Variants in NDRG4 observed in about 807,000 individuals in gnomAD.
NDRG4 encodes protein NDRG4.
Under a neutral mutation model 55.8 loss-of-function variants are expected in NDRG4, and 38 were observed. The ratio of observed to expected loss-of-function variants is 0.68; its 90% CI spans 0.53 to 0.89. NDRG4 has a LOEUF of 0.89. Among genes scored for constraint, NDRG4 ranks in the 40% least tolerant of loss-of-function variants. NDRG4 has a pLI of 0.00. For synonymous variants in NDRG4, 190 were observed against 182.7 expected (o/e 1.04, Z -0.32); for missense variants, 455 against 468.6 (o/e 0.97, Z 0.27).
At chr16:58,494,941 C>A in intron 2 of NDRG4, 1 of 1,613,088 alleles carries the variant, frequency 6.2e-7, no homozygotes, top group South Asian at 1.1e-5. Context: ...AACTTGCCAC[C>A]CCCTCTGTTT....
intron 1 of NDRG4, among the ~76,000 whole-genome samples, chr16:58,484,694 G>A (rs978652032): frequency 1.3e-5 from 2 of 152,064 alleles, no homozygotes; most frequent in South Asian, 2.1e-4. Context: ...GTCCCTTTAG[G>A]GAATAAGAGA....
At chr16:58,487,595 C>A (rs1017921858) in intron 1 of NDRG4, among the ~76,000 whole-genome samples, 2 of 152,196 alleles carry the variant, frequency 1.3e-5, no homozygotes, top group East Asian at 3.9e-4. Flanking sequence ...GTCTTGCAGA[C>A]GGAGGCCTGG....
At chr16:58,491,570 C>T (rs957471140) in intron 2 of NDRG4, among the ~76,000 whole-genome samples, 1 of 151,962 alleles carries the variant, frequency 6.6e-6, no homozygotes, top group Non-Finnish European at 1.5e-5. Flanking sequence ...AAGTGATTCT[C>T]CTGCCTCAGC....
At chr16:58,474,676 A>G (rs2033386949) in intron 1 of NDRG4, among the ~76,000 whole-genome samples, 1 of 152,196 alleles carries the variant, frequency 6.6e-6, no homozygotes, top group South Asian at 2.1e-4. Flanking sequence ...GTTTGTCTGT[A>G]ATGGTCAGTA....
intron 1 of NDRG4, among the ~76,000 whole-genome samples, chr16:58,503,134 C>T (rs556950638): frequency 6.9e-4 from 105 of 152,280 alleles, no homozygotes; most frequent in Non-Finnish European, 1.3e-3. Context: ...AGCAGCAAAA[C>T]CAAAGGTGTG....
chr16:58,474,496 C>G (rs984090251), intron 1 of NDRG4, among the ~76,000 whole-genome samples: 1 of 152,190 alleles, frequency 6.6e-6, no homozygotes, highest in Non-Finnish European at 1.5e-5. Context: ...GCCTCCCCTT[C>G]TCAGCAGGTG....
At chr16:58,466,060 A>T (rs1377949653) in intron 1 of NDRG4, among the ~76,000 whole-genome samples, 1 of 152,208 alleles carries the variant, frequency 6.6e-6, no homozygotes, top group African/African-American at 2.4e-5. Flanking sequence ...TCTGTCGCCC[A>T]GGCTGGAGTG....
At chr16:58,497,269 C>T (rs1307062848), upstream of NDRG4, among the ~76,000 whole-genome samples, 1 of 151,930 alleles carries the variant, frequency 6.6e-6, no homozygotes, top group East Asian at 1.9e-4. Context: ...TTGCAGTGAG[C>T]AGAGATTGCA....
At position 58,485,545 on chromosome 16, in the gene NDRG4, G is replaced by A. The variant is rs146618896; in HGVS notation, c.-23-2211G>A. ...GTTCAGGAAGGCAGGTGGCTAAAAT[G>A]TCCTGATGCGGAAGAGTTTTCCAAG... On this transcript the variant is annotated intron_variant, in intron 1 of 15. Transcript: ENST00000258187. 4.9e-3 allele frequency among the ~76,000 whole-genome samples: 753 copies of A among 152,288 alleles called. 2 individuals carry two copies. Among genetic ancestry groups the A allele is most frequent in the Middle Eastern group, 0.014 (4 of 294 alleles).
intron 1 of NDRG4, among the ~76,000 whole-genome samples, chr16:58,465,818 A>G (rs1318085245): frequency 1.3e-5 from 2 of 152,194 alleles, no homozygotes; most frequent in Admixed American, 1.3e-4. Flanking sequence ...GGGACACTGG[A>G]AACTGACTGG....
chr16:58,502,340 C>T (rs1421597335), intron 1 of NDRG4, among the ~76,000 whole-genome samples: 2 of 152,136 alleles, frequency 1.3e-5, no homozygotes, highest in Non-Finnish European at 2.9e-5. Flanking sequence ...GGTGTGGCCT[C>T]CTCATCCCCT....
intron 1 of NDRG4, among the ~76,000 whole-genome samples, chr16:58,472,896 C>T (rs1202208180): frequency 6.6e-6 from 1 of 152,046 alleles, no homozygotes; most frequent in Non-Finnish European, 1.5e-5. Context: ...GGTTTCCAGG[C>T]CACCCAACCC....
intron 3 of NDRG4, chr16:58,495,070 T>C: frequency 6.4e-7 from 1 of 1,551,422 alleles, no homozygotes; most frequent in Non-Finnish European, 8.8e-7. Context: ...TCACCCCACC[T>C]GGCCAGGTCC....
Position 58,513,168 on chromosome 16 carries a change from A to ATGTGTGTGTG in NDRG4, c.*1612_*1621dup, listed in dbSNP as rs60858251. 5,210 of 150,230 alleles carry ATGTGTGTGTG rather than the reference A, an allele frequency of 0.035. 186 individuals are homozygous for ATGTGTGTGTG. The highest frequency in any genetic ancestry group is 0.17 in the East Asian group (865 of 5,100). The allele number at this position is 150,230 out of a possible 1,614,324, so 9.3% of individuals were successfully genotyped here. On this transcript the variant is annotated 3_prime_UTR_variant, in exon 15 of 15. Transcript: ENST00000570248. ...GTATCTATAAATATCTATACATTAT[A>ATGTGTGTGTG]TGTGTGTGTGTGTGTGTGTGTGTGT...
intron 1 of NDRG4, among the ~76,000 whole-genome samples, chr16:58,478,121 T>C (rs920481911): frequency 2.6e-5 from 4 of 152,208 alleles, no homozygotes; most frequent in African/African-American, 9.6e-5. Context: ...CCGGGTGTGG[T>C]GGCTCACGCC....
upstream of NDRG4, among the ~76,000 whole-genome samples, chr16:58,497,541 T>A (rs917950393): frequency 1.7e-5 from 2 of 120,434 alleles, no homozygotes; most frequent in Non-Finnish European, 3.5e-5. Context: ...CCTCATCCCT[T>A]CTCATAGGTC....
intron 14 of NDRG4, 53 bp from the exon 15 acceptor site, chr16:58,511,369 A>T (rs1336366970): frequency 6.5e-7 from 1 of 1,528,782 alleles, no homozygotes; most frequent in African/African-American, 1.4e-5. Context: ...TTCCCACCAG[A>T]GGCACCTGGC....
At chr16:58,513,787 G>A (rs907887690), downstream of NDRG4, among the ~76,000 whole-genome samples, 75 of 151,894 alleles carry the variant, frequency 4.9e-4, no homozygotes, top group African/African-American at 1.7e-3. Flanking sequence ...GTGAAACCCC[G>A]TCTCTACTAA....
At chr16:58,484,813 A>G (rs1441242790) in intron 1 of NDRG4, among the ~76,000 whole-genome samples, 1 of 152,036 alleles carries the variant, frequency 6.6e-6, no homozygotes, top group Non-Finnish European at 1.5e-5. Flanking sequence ...GACCTTAGCC[A>G]GGCTTCATTA....
Sources: gnomAD v4.1 joint callset for allele counts (sites outside exome capture counted in the v4.1 genomes callset) on GRCh38, gnomAD v4.1.1 for gene constraint, MANE v1.5 for transcripts, NCBI Gene and HGNC (gene_info 2026-07-23, HGNC 2026-07-21) for gene names.